Variants in TBC1D22A observed in about 807,000 individuals in gnomAD.
The protein encoded by TBC1D22A is putative GTPase activator.
A neutral mutation model predicts 60.2 loss-of-function variants in TBC1D22A; 38 were observed. That is an observed-to-expected ratio of 0.63 (90% CI 0.49 to 0.83). The LOEUF is 0.83. Ranked by LOEUF, TBC1D22A falls within the 40% of genes least tolerant of loss-of-function variation. The probability of loss-of-function intolerance (pLI) is 0.00; values close to 1 mark genes in which losing one functional copy is unlikely to be tolerated. For missense variants in TBC1D22A, 628 were observed against 701.0 expected (o/e 0.90, Z 1.18); for synonymous variants, 302 against 281.7 (o/e 1.07, Z -0.72).
At chr22:46,963,185 C>T (rs1226780924) in intron 8 of TBC1D22A, among the ~76,000 whole-genome samples, 6 of 149,628 alleles carry the variant, frequency 4.0e-5, no homozygotes, top group East Asian at 2.0e-4. Flanking sequence ...GGAGCGCCAC[C>T]GCACTATAGC....
chr22:46,860,508 A>G (rs2087806703), intron 4 of TBC1D22A, among the ~76,000 whole-genome samples: 1 of 110,340 alleles, frequency 9.1e-6, no homozygotes, highest in Non-Finnish European at 1.8e-5. Flanking sequence ...ATCCTTTTCC[A>G]TAGAGGTCCG....
chr22:47,012,469 G>A (rs575508946), intron 10 of TBC1D22A, among the ~76,000 whole-genome samples: 1 of 152,282 alleles, frequency 6.6e-6, no homozygotes, highest in African/African-American at 2.4e-5. Flanking sequence ...GTCGTCCTGG[G>A]CCCTCGGAAT....
At chr22:46,832,341 A>G (rs1328171912) in intron 4 of TBC1D22A, among the ~76,000 whole-genome samples, 1 of 152,206 alleles carries the variant, frequency 6.6e-6, no homozygotes, top group East Asian at 1.9e-4. Context: ...GGAAAAGAGT[A>G]CGTTTTCTTT....
intron 5 of TBC1D22A, among the ~76,000 whole-genome samples, chr22:46,885,684 G>C (rs1410843154): frequency 6.6e-6 from 1 of 152,022 alleles, no homozygotes; most frequent in Non-Finnish European, 1.5e-5. Flanking sequence ...GGCTGTCACT[G>C]CCCCCCCTTG....
chr22:46,807,489 G>A (rs1389693245), intron 4 of TBC1D22A, among the ~76,000 whole-genome samples: 1 of 152,144 alleles, frequency 6.6e-6, no homozygotes, highest in Non-Finnish European at 1.5e-5. Flanking sequence ...GCACATGCAT[G>A]CGTCTGTGTG....
At chr22:46,962,767 C>T (rs1425163507) in intron 8 of TBC1D22A, among the ~76,000 whole-genome samples, 2 of 152,200 alleles carry the variant, frequency 1.3e-5, no homozygotes, top group African/African-American at 4.8e-5. Flanking sequence ...AGTCATGTAA[C>T]AGCTGAACAA....
intron 9 of TBC1D22A, 26 bp from the exon 10 acceptor site, chr22:46,997,608 G>A (rs1456565546): frequency 6.3e-7 from 1 of 1,594,544 alleles, no homozygotes; most frequent in Admixed American, 1.7e-5. Context: ...ATATGCATAT[G>A]ATTCACATTA....
rs540408733 is a variant in TBC1D22A, at chr22:47,120,599, G to T, written c.1425+8996G>T. 2.0e-5 allele frequency among the ~76,000 whole-genome samples: 3 copies of T among 152,366 alleles called. No homozygotes were observed. The South Asian group carries it at 6.2e-4, about 32-fold the overall frequency. ...CAGAGGGCAGGGTAGAAGGCCTGGG[G>T]CTGGAGCAGGTGGATGTGAGTCAGA... On this transcript the variant is annotated intron_variant, in intron 12 of 12. Transcript: ENST00000337137.
intron 11 of TBC1D22A, among the ~76,000 whole-genome samples, chr22:47,096,158 G>A (rs755629458): frequency 6.6e-6 from 1 of 152,194 alleles, no homozygotes; most frequent in Non-Finnish European, 1.5e-5. Context: ...CTTCAGATCT[G>A]TTGTCTATTT....
At chr22:46,945,025 C>T (rs1447195236) in intron 8 of TBC1D22A, among the ~76,000 whole-genome samples, 1 of 152,184 alleles carries the variant, frequency 6.6e-6, no homozygotes, top group African/African-American at 2.4e-5. Flanking sequence ...AAGAGGCAAC[C>T]ACTTCAAACT....
intron 12 of TBC1D22A, among the ~76,000 whole-genome samples, chr22:47,172,133 G>A (rs1810681865): frequency 7.1e-6 from 1 of 141,308 alleles, no homozygotes; most frequent in Non-Finnish European, 1.6e-5. Flanking sequence ...AGTGAGCCCA[G>A]TGAGTCCGGT....
intron 12 of TBC1D22A, among the ~76,000 whole-genome samples, chr22:47,111,932 AACCCTCTTTACAGCACGTGG>A (rs1452393493): frequency 6.6e-6 from 1 of 152,200 alleles, no homozygotes; most frequent in Non-Finnish European, 1.5e-5. Context: ...TGGTCCCTGG[AACCCTCTTTACAGCACGTGG>A]ACTGTGATGC....
intron 9 of TBC1D22A, among the ~76,000 whole-genome samples, chr22:46,992,262 C>T (rs568540426): frequency 1.3e-5 from 2 of 152,398 alleles, no homozygotes; most frequent in South Asian, 4.1e-4. Context: ...GGCGGAGTCA[C>T]ACAGGACACG....
At chr22:47,160,023 T>G (rs1224104201) in intron 12 of TBC1D22A, among the ~76,000 whole-genome samples, 1 of 151,076 alleles carries the variant, frequency 6.6e-6, no homozygotes, top group Non-Finnish European at 1.5e-5. Context: ...TATACACACA[T>G]GTGCATCACA....
At chr22:47,016,352 C>T (rs1331291327) in intron 10 of TBC1D22A, among the ~76,000 whole-genome samples, 2 of 152,160 alleles carry the variant, frequency 1.3e-5, no homozygotes, top group African/African-American at 4.8e-5. Context: ...TCCCCCACCT[C>T]CCCGCTACAT....
intron 9 of TBC1D22A, among the ~76,000 whole-genome samples, chr22:46,985,866 G>C (rs1290197319): frequency 6.6e-6 from 1 of 152,198 alleles, no homozygotes; most frequent in Non-Finnish European, 1.5e-5. Flanking sequence ...TTTTGAGAAT[G>C]TTTGCTTCTG....
intron 4 of TBC1D22A, among the ~76,000 whole-genome samples, chr22:46,801,762 G>A (rs1050298807): frequency 1.3e-5 from 2 of 152,252 alleles, no homozygotes; most frequent in Non-Finnish European, 2.9e-5. Context: ...CGACCCGTCC[G>A]TCAAGGAGTG....
chr22:47,136,152 TC>T (rs2147128872), intron 12 of TBC1D22A, among the ~76,000 whole-genome samples: 1 of 152,302 alleles, frequency 6.6e-6, no homozygotes, highest in South Asian at 2.1e-4. Context: ...AGGCCCAGGC[TC>T]CCTCCACCAC....
chr22:47,135,048 C>G lies in TBC1D22A; in HGVS notation c.1425+23445C>G, dbSNP rs9917594. On this transcript the variant is annotated intron_variant, in intron 12 of 12. Coordinates refer to ENST00000337137, the MANE Select transcript of TBC1D22A (RefSeq NM_014346.5). ...TCGGGACCCCTCTTGCACCTGTGGC[C>G]AGACTCAGACCCCCGCCCCAGTCCC... Among the ~76,000 whole-genome samples, 722 of 152,348 alleles carry G rather than the reference C, an allele frequency of 4.7e-3. 5 individuals are homozygous for G. Among genetic ancestry groups the G allele is most frequent in the African/African-American group, 0.014 (562 of 41,584 alleles).
Sources: gnomAD v4.1 joint callset for allele counts (sites outside exome capture counted in the v4.1 genomes callset) on GRCh38, gnomAD v4.1.1 for gene constraint, MANE v1.5 for transcripts, NCBI Gene and HGNC (gene_info 2026-07-23, HGNC 2026-07-21) for gene names.